The following CHM variants were observed in gnomAD, a reference collection of about 807,000 sequenced individuals.
CHM encodes rab proteins geranylgeranyltransferase component A 1.
CHM carries 10 observed loss-of-function variants against 49.0 expected under a neutral mutation model. The ratio of observed to expected loss-of-function variants is 0.20; its 90% CI spans 0.13 to 0.35. CHM has a LOEUF of 0.35. Among genes scored for constraint, CHM ranks in the 10% least tolerant of loss-of-function variants. The pLI is 1.00. For missense variants in CHM, 455 were observed against 478.4 expected (o/e 0.95, Z 0.46); for synonymous variants, 184 against 167.5 (o/e 1.10, Z -0.76).
intron 11 of CHM, among the ~76,000 whole-genome samples, chrX:85,896,870 T>G (rs1190607094): frequency 1.0e-5 from 1 of 99,820 alleles, no homozygotes; most frequent in Non-Finnish European, 2.0e-5. Context: ...TAGTATATAA[T>G]ATGTATTACA....
Position 85,978,815 on chromosome X carries a change from C to CTAAGAG in CHM, c.260_265dup (p.Leu88_Ser89insThrLeu), listed in dbSNP as rs1931435249. The CTAAGAG allele has an allele frequency of 8.3e-7, 1 of 1,205,448 alleles. No individual in the cohort carries two copies. The highest frequency in any genetic ancestry group is 1.1e-6 in the Non-Finnish European group (1 of 891,495). On this transcript the variant is annotated inframe_insertion, in exon 4 of 15. Transcript: ENST00000357749. ...ATGTTGAATAGTTTTGTCCTTCCTG[C>CTAAGAG]TAAGAGCAATGGCTTCTTCATTTTC...
At chrX:85,899,339 A>G (rs1926102882) in intron 11 of CHM, among the ~76,000 whole-genome samples, 1 of 111,523 alleles carries the variant, frequency 9.0e-6, no homozygotes, top group Non-Finnish European at 1.9e-5. Flanking sequence ...AATACATTCA[A>G]ACCAGGCCTA....
chrX:85,952,398 A>G (rs1453236071), intron 8 of CHM, among the ~76,000 whole-genome samples: 1 of 111,168 alleles, frequency 9.0e-6, no homozygotes, highest in African/African-American at 3.3e-5. Flanking sequence ...ATAGGACACC[A>G]GGCAGAGTCA....
rs930541357 is a variant in CHM, at chrX:85,861,254, T to G, written c.*3376A>C. On this transcript the variant is annotated 3_prime_UTR_variant, in exon 15 of 15. Coordinates refer to ENST00000357749, the MANE Select transcript of CHM (RefSeq NM_000390.4). ...TATACAATTTATGAATAATCATATATTCATGCTTTTTGAAATATATCTGAA... is the reference window on the plus strand; with the variant it reads ...TATACAATTTATGAATAATCATATAGTCATGCTTTTTGAAATATATCTGAA... 3 of 112,319 alleles carry G rather than the reference T, an allele frequency of 2.7e-5. No individual in the cohort carries two copies. The highest frequency in any genetic ancestry group is 9.7e-5 in the African/African-American group (3 of 30,957). The allele number at this position is 112,319 out of a possible 1,213,427, so 9.3% of individuals were successfully genotyped here.
At chrX:86,039,658 CA>C (rs1934383882) in intron 1 of CHM, among the ~76,000 whole-genome samples, 1 of 110,584 alleles carries the variant, frequency 9.0e-6, no homozygotes, top group African/African-American at 3.3e-5. Flanking sequence ...AACCATGACG[CA>C]AAGTGAGAAC....
intron 8 of CHM, among the ~76,000 whole-genome samples, chrX:85,929,715 T>G (rs1397623084): frequency 8.9e-6 from 1 of 112,273 alleles, no homozygotes; most frequent in Non-Finnish European, 1.9e-5. Context: ...TTTTAGCTCT[T>G]TTTATTCTAA....
chrX:85,981,291 AG>A (rs1931594602), intron 3 of CHM, among the ~76,000 whole-genome samples: 1 of 95,884 alleles, frequency 1.0e-5, no homozygotes, highest in African/African-American at 4.0e-5. Context: ...TGGAGTGCAA[AG>A]GTGCAGTCTC....
At chrX:85,902,013 A>T (rs114558208) in intron 9 of CHM, among the ~76,000 whole-genome samples, 3,151 of 111,860 alleles carry the variant, frequency 0.028, 115 homozygotes, top group African/African-American at 0.097. Flanking sequence ...TAAGGGCAAC[A>T]TCCTTGAAAT....
chrX:86,040,238 T>C (rs1479739353), intron 1 of CHM, among the ~76,000 whole-genome samples: 13 of 112,171 alleles, frequency 1.2e-4, no homozygotes. Context: ...CCGGAGATGC[T>C]ACCACAGGGC....
chrX:85,898,559 C>T (rs183112857), intron 11 of CHM, among the ~76,000 whole-genome samples: 64 of 112,084 alleles, frequency 5.7e-4, no homozygotes, highest in African/African-American at 2.0e-3. Context: ...AGACCAGTTC[C>T]TCTCTCTTAC....
At chrX:85,993,513 T>C (rs748482143) in intron 2 of CHM, among the ~76,000 whole-genome samples, 21 of 112,148 alleles carry the variant, frequency 1.9e-4, no homozygotes, top group African/African-American at 6.8e-4. Context: ...CCCCTTCCAA[T>C]TCAATCTTCA....
chrX:86,040,385 A>G, intron 1 of CHM, among the ~76,000 whole-genome samples: 1 of 111,979 alleles, frequency 8.9e-6, no homozygotes, highest in Non-Finnish European at 1.9e-5. Flanking sequence ...CTGGCACAAG[A>G]GCGGCAGGCT....
At chrX:85,997,633 G>A (rs1191968174) in intron 2 of CHM, among the ~76,000 whole-genome samples, 1 of 111,196 alleles carries the variant, frequency 9.0e-6, no homozygotes, top group African/African-American at 3.3e-5. Flanking sequence ...CCCTGAAGGA[G>A]GAAATTCTAA....
At chrX:85,909,197 T>C (rs1250331854) in intron 9 of CHM, among the ~76,000 whole-genome samples, 1 of 111,921 alleles carries the variant, frequency 8.9e-6, no homozygotes, top group African/African-American at 3.2e-5. Flanking sequence ...CATGTCTTTC[T>C]ATGAAGATAT....
chrX:85,890,198 A>T (rs762393715), intron 12 of CHM, among the ~76,000 whole-genome samples: 1 of 112,323 alleles, frequency 8.9e-6, no homozygotes, highest in Non-Finnish European at 1.9e-5. Context: ...TCTAAACTAA[A>T]AATGGAAATT....
At chrX:85,929,424 CTAT>C (rs1928288141) in intron 8 of CHM, among the ~76,000 whole-genome samples, 1 of 112,034 alleles carries the variant, frequency 8.9e-6, no homozygotes, top group Non-Finnish European at 1.9e-5. Flanking sequence ...CCTGGCCTGT[CTAT>C]TACCCTATTT....
At chrX:85,869,066 C>T (rs753318725) in intron 14 of CHM, among the ~76,000 whole-genome samples, 1 of 111,657 alleles carries the variant, frequency 9.0e-6, no homozygotes, top group African/African-American at 3.3e-5. Context: ...AGAATTGCTA[C>T]TCTTCTGTTA....
Position 85,981,820 on chromosome X carries a change from T to TTAA in CHM, c.117-12_117-11insTTA. ...CCATAGTAGCTTCTTCTGTAACAAT[T>TTAA]AAAAAAAAAAAAAAAAGTAAAGAAA... On this transcript the variant is annotated splice_polypyrimidine_tract_variant and intron_variant, in intron 2 of 14. Transcript: ENST00000357749. 1 of 949,880 alleles carries TTAA rather than the reference T, an allele frequency of 1.1e-6. No individual in the cohort carries two copies. The highest frequency in any genetic ancestry group is 1.4e-6 in the Non-Finnish European group (1 of 709,353). 78.3% of individuals were successfully genotyped at this position (949,880 alleles called of 1,213,427 possible). A position where few individuals can be genotyped will look rare whatever the true frequency, so the allele number is the denominator to read the frequency against.
At chrX:85,885,350 GAAT>G (rs1603238711) in intron 12 of CHM, among the ~76,000 whole-genome samples, 1 of 109,319 alleles carries the variant, frequency 9.1e-6, no homozygotes, top group African/African-American at 3.3e-5. Flanking sequence ...TATGGCTAAT[GAAT>G]AATGGACAAA....
Sources: allele counts gnomAD v4.1 joint callset (sites outside exome capture counted in the v4.1 genomes callset), GRCh38; gene constraint gnomAD v4.1.1; transcripts MANE v1.5; gene names NCBI Gene and HGNC (gene_info 2026-07-23, HGNC 2026-07-21).